PTPRO: variants seen among roughly 807,000 people sequenced by gnomAD.
PTPRO encodes the protein protein tyrosine phosphatase receptor type O.
Under a neutral mutation model 145.2 loss-of-function variants are expected in PTPRO, and 62 were observed. The ratio of observed to expected loss-of-function variants is 0.43; its 90% CI spans 0.35 to 0.53. The LOEUF is 0.53. Among genes scored for constraint, PTPRO ranks in the 20% least tolerant of loss-of-function variants. The pLI is 0.01. For synonymous variants in PTPRO, 565 were observed against 514.7 expected (o/e 1.10, Z -1.32); for missense variants, 1,345 against 1,482.7 (o/e 0.91, Z 1.53).
At chr12:15,452,418 A>G (rs1941070374) in intron 1 of PTPRO, among the ~76,000 whole-genome samples, 1 of 152,180 alleles carries the variant, frequency 6.6e-6, no homozygotes, top group Non-Finnish European at 1.5e-5. Flanking sequence ...CAGTCTTTCA[A>G]AGAAGAATTG....
intron 1 of PTPRO, among the ~76,000 whole-genome samples, chr12:15,367,359 A>G (rs531846333): frequency 9.2e-5 from 14 of 152,220 alleles, no homozygotes; most frequent in Non-Finnish European, 1.8e-4. Context: ...GATGAATGGA[A>G]AAAAGAGGGA....
chr12:15,513,529 A>G (rs1459400307), intron 7 of PTPRO, among the ~76,000 whole-genome samples: 1 of 152,206 alleles, frequency 6.6e-6, no homozygotes, highest in Non-Finnish European at 1.5e-5. Context: ...ATGCAGAGGA[A>G]GTTGTACCAA....
At chr12:15,555,528 G>A (rs1943598322) in intron 15 of PTPRO, among the ~76,000 whole-genome samples, 3 of 152,290 alleles carry the variant, frequency 2.0e-5, no homozygotes, top group South Asian at 2.1e-4. Flanking sequence ...GAGCATTAAC[G>A]CAGTAATAAC....
rs1942223720 is a variant in PTPRO at position 15,501,651 on chromosome 12, T to C, written c.693T>C (p.Arg231=). The change falls in exon 5 of 27, where the codon CGT becomes CGC. Residue 231 remains arginine, a synonymous_variant. Coordinates refer to ENST00000281171, the MANE Select transcript of PTPRO (RefSeq NM_030667.3). ...APYPPQNISV[R]IVNLNKNNWE... ...ATCCACCTCAAAATATTTCCGTTCG[T>C]ATCGTAAACTTGAACAAAAACAACT... The C allele has an allele frequency of 1.2e-6, 2 of 1,614,000 alleles. No individual in the cohort carries two copies. Among genetic ancestry groups the C allele is most frequent in the East Asian group, 2.2e-5 (1 of 44,858 alleles).
Position 15,515,987 on chromosome 12 carries a change from G to GTTTTTT in PTPRO, c.1585+373_1585+374insTTTTTT, listed in dbSNP as rs1387922121. ...GTTTTGTTTGTCTGGTTTTTTTTTTGTTTTGTTTTTTTTTTTTTTTGGAGA... is the reference window on the plus strand; with the variant it reads ...GTTTTGTTTGTCTGGTTTTTTTTTTGTTTTTTTTTTGTTTTTTTTTTTTTTTGGAGA... On this transcript the variant is annotated intron_variant, in intron 8 of 26. Transcript: ENST00000281171. Among the ~76,000 whole-genome samples the GTTTTTT allele has an allele frequency of 1.7e-4, 14 of 80,660 alleles. 1 individual carries two copies. Among genetic ancestry groups the GTTTTTT allele is most frequent in the Non-Finnish European group, 2.4e-4 (10 of 42,426 alleles). The allele number at this position is 80,660 out of a possible 152,430, so 52.9% of individuals were successfully genotyped here.
intron 1 of PTPRO, among the ~76,000 whole-genome samples, chr12:15,471,738 G>A (rs1941547068): frequency 6.6e-6 from 1 of 152,166 alleles, no homozygotes; most frequent in South Asian, 2.1e-4. Context: ...CTCAGTTTCT[G>A]ATGCATGCTT....
At chr12:15,393,501 A>T (rs960073964) in intron 1 of PTPRO, among the ~76,000 whole-genome samples, 3 of 152,208 alleles carry the variant, frequency 2.0e-5, no homozygotes, top group African/African-American at 7.2e-5. Context: ...CCCATAGTCA[A>T]TTTGTGTTCC....
chr12:15,365,767 G>C (rs118165022), intron 1 of PTPRO, among the ~76,000 whole-genome samples: 1,952 of 152,226 alleles, frequency 0.013, 26 homozygotes, highest in Non-Finnish European at 0.017. Context: ...TCATGCTTGT[G>C]ATAAAAGAAA....
intron 1 of PTPRO, among the ~76,000 whole-genome samples, chr12:15,387,325 AG>A (rs1326857821): frequency 1.4e-5 from 2 of 141,864 alleles, no homozygotes; most frequent in East Asian, 4.6e-4. Context: ...TATTGTTAAA[AG>A]TCCAAACTCT....
intron 6 of PTPRO, among the ~76,000 whole-genome samples, chr12:15,508,364 C>T (rs1175702324): frequency 2.0e-5 from 3 of 152,122 alleles, no homozygotes. Flanking sequence ...GCTGTTATTG[C>T]CGAGGCTGCT....
At chr12:15,345,029 A>G (rs1180081468) in intron 1 of PTPRO, among the ~76,000 whole-genome samples, 1 of 152,116 alleles carries the variant, frequency 6.6e-6, no homozygotes, top group African/African-American at 2.4e-5. Context: ...CTCTTTTCTT[A>G]TTCTCTGTTT....
At chr12:15,584,375 A>G (rs1944386985) in intron 23 of PTPRO, among the ~76,000 whole-genome samples, 1 of 152,228 alleles carries the variant, frequency 6.6e-6, no homozygotes, top group Admixed American at 6.5e-5. Context: ...ATACAGTACA[A>G]ATCTGTCCCT....
chr12:15,445,619 G>A (rs540347278), intron 1 of PTPRO, among the ~76,000 whole-genome samples: 31 of 152,120 alleles, frequency 2.0e-4, no homozygotes, highest in Middle Eastern at 6.8e-3. Context: ...GTTCTGTCCC[G>A]CTTTGAGTTA....
intron 17 of PTPRO, among the ~76,000 whole-genome samples, chr12:15,560,597 A>G (rs1024491374): frequency 1.3e-5 from 2 of 151,968 alleles, no homozygotes; most frequent in African/African-American, 4.8e-5. Context: ...ATCTTCATCC[A>G]TTAGAGAGCT....
intron 3 of PTPRO, 98 bp from the exon 4 acceptor site, chr12:15,499,344 T>A: frequency 8.1e-7 from 1 of 1,233,296 alleles, no homozygotes; most frequent in Admixed American, 1.7e-5. Context: ...AAGGAAATAT[T>A]ATTTTGTGAA....
In PTPRO at chr12:15,503,988, T is replaced by C. The variant is rs1942271276; in HGVS notation, c.1186T>C (p.Leu396=). ...AELKEPGKYK[L]SVTTFSSSGS... ...ACTGAAGGAACCTGGGAAATATAAGTTATCTGTGACAACCTTTAGTTCCTC... is the reference window on the plus strand; with the variant it reads ...ACTGAAGGAACCTGGGAAATATAAGCTATCTGTGACAACCTTTAGTTCCTC... The change falls in exon 6 of 27, where the codon TTA becomes CTA. Residue 396 remains leucine (L), a synonymous_variant. Coordinates refer to ENST00000281171, the MANE Select transcript of PTPRO (RefSeq NM_030667.3). 6.2e-7 allele frequency: 1 copy of C among 1,608,618 alleles called. No individual in the cohort carries two copies. The highest frequency in any genetic ancestry group is 8.5e-7 in the Non-Finnish European group (1 of 1,175,146).
At chr12:15,432,786 C>G (rs1458520690) in intron 1 of PTPRO, among the ~76,000 whole-genome samples, 1 of 152,114 alleles carries the variant, frequency 6.6e-6, no homozygotes, top group African/African-American at 2.4e-5. Context: ...GCTTGTTGGC[C>G]TAATGCATGT....
At chr12:15,428,512 C>T (rs1296358121) in intron 1 of PTPRO, among the ~76,000 whole-genome samples, 3 of 151,904 alleles carry the variant, frequency 2.0e-5, no homozygotes, top group East Asian at 3.9e-4. Context: ...TATAAGAGTA[C>T]CCCAAAGTAC....
intron 1 of PTPRO, among the ~76,000 whole-genome samples, chr12:15,468,098 T>C (rs1194090958): frequency 6.6e-6 from 1 of 152,182 alleles, no homozygotes; most frequent in East Asian, 1.9e-4. Context: ...TCAAATCCGT[T>C]GTAATTTGAA....
Sources: allele counts gnomAD v4.1 joint callset (sites outside exome capture counted in the v4.1 genomes callset), GRCh38; gene constraint gnomAD v4.1.1; transcripts MANE v1.5; gene names NCBI Gene and HGNC (gene_info 2026-07-23, HGNC 2026-07-21).